GLUD1: variants seen among roughly 807,000 people sequenced by gnomAD.
GLUD1 encodes the protein glutamate dehydrogenase 1, mitochondrial.
In GLUD1, 22 loss-of-function variants were observed where a neutral mutation model predicts 56.0. The ratio of observed to expected loss-of-function variants is 0.39; its 90% CI spans 0.28 to 0.56. GLUD1 has a LOEUF of 0.56. Ranked by LOEUF, GLUD1 falls within the 20% of genes least tolerant of loss-of-function variation. GLUD1 has a pLI of 0.58. For missense variants in GLUD1, 451 were observed against 732.0 expected (o/e 0.62, Z 4.43); for synonymous variants, 223 against 269.9 (o/e 0.83, Z 1.70).
At chr10:87,085,776 T>C (rs533525211) in intron 1 of GLUD1, among the ~76,000 whole-genome samples, 2 of 152,322 alleles carry the variant, frequency 1.3e-5, no homozygotes, top group Non-Finnish European at 2.9e-5. Flanking sequence ...TACATATCCA[T>C]AAAACATACA....
chr10:87,070,555 C>T (rs1208637904), intron 4 of GLUD1, among the ~76,000 whole-genome samples: 1 of 152,074 alleles, frequency 6.6e-6, no homozygotes, highest in Admixed American at 6.5e-5. Flanking sequence ...GCCGAGATCA[C>T]GCCACTGAGC....
intron 5 of GLUD1, among the ~76,000 whole-genome samples, chr10:87,066,435 T>C (rs1223051560): frequency 6.6e-6 from 1 of 152,206 alleles, no homozygotes; most frequent in Non-Finnish European, 1.5e-5. Flanking sequence ...CCTGACCCTT[T>C]TTTCTACTGG....
chr10:87,056,132 A>G (rs1445179423), intron 11 of GLUD1, among the ~76,000 whole-genome samples: 1 of 136,834 alleles, frequency 7.3e-6, no homozygotes, highest in African/African-American at 2.6e-5. Context: ...AAAAAAAAAA[A>G]AAAAAAAACC....
chr10:87,061,404 G>T (rs575968060), intron 6 of GLUD1, among the ~76,000 whole-genome samples: 3 of 152,026 alleles, frequency 2.0e-5, no homozygotes, highest in African/African-American at 7.2e-5. Context: ...TGTAATCCCA[G>T]CTACTTGGGA....
rs1285565929 is a variant in GLUD1 at position 87,062,638 on chromosome 10, TTTTG to T, written c.921+14_921+17del. 11 of 1,601,396 alleles carry T rather than the reference TTTTG, an allele frequency of 6.9e-6. No homozygotes were observed. Among genetic ancestry groups the T allele is most frequent in the African/African-American group, 1.3e-5 (1 of 74,726 alleles). On this transcript the variant is annotated intron_variant, in intron 6 of 12. Coordinates refer to ENST00000277865, the MANE Select transcript of GLUD1 (RefSeq NM_005271.5). Reference sequence around the variant, plus strand: ...GTCTATCAGTTATTAAGGAAACTTTTTTTGTTTTTGTTTTTACCTGAACAACAAA... The same window carrying T: ...GTCTATCAGTTATTAAGGAAACTTTTTTTTTGTTTTTACCTGAACAACAAA...
Position 87,053,360 on chromosome 10 carries a change from T to A in GLUD1, c.1539A>T (p.Thr513=). The A allele has an allele frequency of 1.9e-6, 3 of 1,611,188 alleles. No homozygotes were observed. The highest frequency in any genetic ancestry group is 2.5e-6 in the Non-Finnish European group (3 of 1,177,324). ...CACATACCCTGGCAGAACGCTCCATTGTGTATGCCAAGCCAGAGTGCACGA... is the reference window on the plus strand; with the variant it reads ...CACATACCCTGGCAGAACGCTCCATAGTGTATGCCAAGCCAGAGTGCACGA... ...KDIVHSGLAY[T]MERSARQIMR... is the part of the protein sequence containing the mutation. The change falls in exon 12 of 13, where the codon ACA becomes ACT. Residue 513 remains threonine, a synonymous_variant. Coordinates refer to ENST00000277865, the MANE Select transcript of GLUD1 (RefSeq NM_005271.5).
Position 87,059,291 on chromosome 10 carries a change from A to G in GLUD1, c.1279-18T>C. ...TAGAGATCCTATGCACAAAAATAAG[A>G]CAAAGAAATTAGAAGATGATGGTTT... On this transcript the variant is annotated intron_variant, in intron 9 of 12. Coordinates refer to ENST00000277865, the MANE Select transcript of GLUD1 (RefSeq NM_005271.5). 1 of 1,612,674 alleles carries G rather than the reference A, an allele frequency of 6.2e-7. No individual in the cohort carries two copies. The highest frequency in any genetic ancestry group is 8.5e-7 in the Non-Finnish European group (1 of 1,178,662).
At chr10:87,087,876 T>C (rs544543165) in intron 1 of GLUD1, among the ~76,000 whole-genome samples, 1 of 152,048 alleles carries the variant, frequency 6.6e-6, no homozygotes, top group Admixed American at 6.6e-5. Flanking sequence ...AGGTCGGGAG[T>C]TCGAGACCAG....
At chr10:87,085,261 G>T (rs996886598) in intron 1 of GLUD1, among the ~76,000 whole-genome samples, 6 of 149,444 alleles carry the variant, frequency 4.0e-5, no homozygotes, top group Admixed American at 1.4e-4. Context: ...CAGGAGAATC[G>T]CTTAAACCTG....
chr10:87,060,892 A>T, intron 7 of GLUD1, 23 bp downstream of exon 7: 23 of 1,613,666 alleles, frequency 1.4e-5, no homozygotes, highest in Non-Finnish European at 1.9e-5. Context: ...TTTAGTGTCT[A>T]TGCTATAAAA....
chr10:87,094,400 G>A lies in GLUD1; in HGVS notation c.370C>T (p.Arg124Cys). Residue 124 changes from arginine (R) to cysteine (C), a missense_variant, in exon 1 of 13, where the codon CGC becomes TGC. Coordinates refer to ENST00000277865, the MANE Select transcript of GLUD1 (RefSeq NM_005271.5). This position sits in a 1 kb window ranked among gnomAD's most constrained non-coding sequence, Gnocchi z 6.6. ...ATGACCTCCCAGGAGCCGTCGTCGC[G>A]CCGGATGGGGAAGGAGAGACTCAGC... ...HVLSLSFPIR[R>C]DDGSWEVIEG... is the part of the protein sequence containing the mutation. 1 of 1,613,472 alleles carries A rather than the reference G, an allele frequency of 6.2e-7. No homozygotes were observed. Among genetic ancestry groups the A allele is most frequent in the Non-Finnish European group, 8.5e-7 (1 of 1,179,884 alleles).
chr10:87,053,048 C>T (rs1390472852), intron 12 of GLUD1, among the ~76,000 whole-genome samples: 1 of 152,190 alleles, frequency 6.6e-6, no homozygotes, highest in Non-Finnish European at 1.5e-5. Flanking sequence ...CATAGTGGCA[C>T]ATGGAGCTAC....
Position 87,094,569 on chromosome 10 carries a change from G to A in GLUD1, c.201C>T (p.Phe67=). 1 of 1,611,930 alleles carries A rather than the reference G, an allele frequency of 6.2e-7. No homozygotes were observed. Among genetic ancestry groups the A allele is most frequent in the Non-Finnish European group, 8.5e-7 (1 of 1,179,890 alleles). Residue 67 remains phenylalanine, a synonymous_variant, in exon 1 of 13, where the codon TTC becomes TTT. Coordinates refer to ENST00000277865, the MANE Select transcript of GLUD1 (RefSeq NM_005271.5). The surrounding 1 kb of genome is among the most constrained non-coding windows in gnomAD (Gnocchi z 6.6). ...VADREDDPNF[F]KMVEGFFDRG... ...GATCGAAGAAGCCCTCCACCATCTT[G>A]AAGAAGTTGGGGTCGTCCTCGCGGT...
At chr10:87,081,054 C>G (rs1337435738) in intron 1 of GLUD1, among the ~76,000 whole-genome samples, 34 of 137,788 alleles carry the variant, frequency 2.5e-4, no homozygotes, top group Non-Finnish European at 6.4e-5. Context: ...GCCGCCCCGT[C>G]CGGGAGGGAG....
intron 1 of GLUD1, among the ~76,000 whole-genome samples, chr10:87,079,920 CTCCCT>C (rs1385125142): frequency 7.0e-5 from 8 of 114,646 alleles, no homozygotes; most frequent in African/African-American, 3.2e-4. Context: ...CCCTCCCCCT[CTCCCT>C]CCCCCTCTCC....
chr10:87,094,698 G>A lies in GLUD1; in HGVS notation c.72C>T (p.Ala24=), dbSNP rs376283515. Residue 24 remains alanine, a synonymous_variant, in exon 1 of 13, where the codon GCC becomes GCT. Transcript: ENST00000277865. The surrounding 1 kb of genome is among the most constrained non-coding windows in gnomAD (Gnocchi z 6.6). ...AGPAALGSAS[A]DSAALLGWAR... is the part of the protein sequence containing the mutation. Reference sequence around the variant, plus strand: ...CCCAGCCCAGCAACGCGGCCGAGTCGGCGGACGCCGAGCCCAGGGCAGCGG... The same window carrying A: ...CCCAGCCCAGCAACGCGGCCGAGTCAGCGGACGCCGAGCCCAGGGCAGCGG... The A allele has an allele frequency of 1.3e-6, 2 of 1,496,766 alleles. No homozygotes were observed. Among genetic ancestry groups the A allele is most frequent in the Non-Finnish European group, 8.9e-7 (1 of 1,122,938 alleles). 92.7% of individuals were successfully genotyped at this position (1,496,766 alleles called of 1,614,324 possible). A position where few individuals can be genotyped will look rare whatever the true frequency, so the allele number is the denominator to read the frequency against.
In GLUD1 at chr10:87,067,062, C is replaced by T. The variant is rs140949438; in HGVS notation, c.741+1001G>A. On this transcript the variant is annotated intron_variant, in intron 5 of 12. Transcript: ENST00000277865. Reference sequence around the variant, plus strand: ...CTCTCCTGGTCCTCTGGCTCCTGGACTTGGTGGAAAGGCACTGACACCATA... The same window carrying T: ...CTCTCCTGGTCCTCTGGCTCCTGGATTTGGTGGAAAGGCACTGACACCATA... Among the ~76,000 whole-genome samples, 772 of 152,322 alleles carry T rather than the reference C, an allele frequency of 5.1e-3. 9 individuals carry two copies. Among genetic ancestry groups the T allele is most frequent in the African/African-American group, 0.017 (714 of 41,570 alleles).
chr10:87,067,393 T>C (rs747508606), intron 5 of GLUD1, among the ~76,000 whole-genome samples: 2 of 152,154 alleles, frequency 1.3e-5, no homozygotes, highest in Non-Finnish European at 2.9e-5. Flanking sequence ...GCTTGGCTAA[T>C]TTTTGTATTT....
At chr10:87,087,438 C>T (rs1023645239) in intron 1 of GLUD1, among the ~76,000 whole-genome samples, 1 of 152,158 alleles carries the variant, frequency 6.6e-6, no homozygotes, top group Non-Finnish European at 1.5e-5. Flanking sequence ...CTCCAGAGGT[C>T]AAAGGGTGGG....
Sources: gnomAD v4.1 joint callset for allele counts (sites outside exome capture counted in the v4.1 genomes callset) on GRCh38, gnomAD v4.1.1 for gene constraint, Gnocchi (gnomAD v3.1) non-coding constraint, MANE v1.5 for transcripts, NCBI Gene and HGNC (gene_info 2026-07-23, HGNC 2026-07-21) for gene names.